Variants in RBPJ observed in about 807,000 individuals in gnomAD.
RBPJ encodes recombining binding protein suppressor of hairless.
A neutral mutation model predicts 67.8 loss-of-function variants in RBPJ; 9 were observed. The observed-to-expected ratio is 0.13, with a 90% confidence interval of 0.08 to 0.23. The LOEUF is 0.23. Among genes scored for constraint, RBPJ ranks in the 10% least tolerant of loss-of-function variants. The pLI is 1.00. For synonymous variants in RBPJ, 198 were observed against 203.3 expected (o/e 0.97, Z 0.22); for missense variants, 305 against 595.6 (o/e 0.51, Z 5.08).
chr4:26,139,091 C>A, the RBPJ span, among the ~76,000 whole-genome samples: 1 of 152,202 alleles, frequency 6.6e-6, no homozygotes. Context: ...ATCACAGCAG[C>A]CAGAAGTTAG....
chr4:26,286,845 G>A (rs1345992509), intron 1 of RBPJ, among the ~76,000 whole-genome samples: 1 of 150,822 alleles, frequency 6.6e-6, no homozygotes, highest in Non-Finnish European at 1.5e-5. Context: ...GAGTGCAGTG[G>A]CCACTATCTC....
intron 1 of RBPJ, among the ~76,000 whole-genome samples, chr4:26,340,128 CATT>C (rs1473315943): frequency 6.6e-6 from 1 of 151,950 alleles, no homozygotes; most frequent in Non-Finnish European, 1.5e-5. Context: ...AAGTAATTAA[CATT>C]ATGTTAGAAG....
intron 1 of RBPJ, among the ~76,000 whole-genome samples, chr4:26,331,028 C>T (rs189356271): frequency 1.3e-5 from 2 of 152,168 alleles, no homozygotes; most frequent in African/African-American, 2.4e-5. Flanking sequence ...TTTACACAGA[C>T]AGGTTAGATA....
At chr4:26,389,090 G>C (rs1364265368) in intron 2 of RBPJ, among the ~76,000 whole-genome samples, 1 of 151,894 alleles carries the variant, frequency 6.6e-6, no homozygotes, top group East Asian at 1.9e-4. Flanking sequence ...TTAGCCAGGA[G>C]TTGTGGCACG....
In RBPJ at chr4:26,428,642, A is replaced by G; in HGVS notation, c.748-78A>G. 3.8e-6 allele frequency: 4 copies of G among 1,062,528 alleles called. No individual in the cohort carries two copies. In the South Asian group the frequency reaches 4.0e-5, roughly 11 times the overall value. 65.8% of individuals were successfully genotyped at this position (1,062,528 alleles called of 1,614,324 possible). ...TATTATTATGCAGTATATAGCTTCT[A>G]TGTACTTTTGATGTTTTACACAAGG... is the stretch of plus-strand genomic sequence containing the variant. On this transcript the variant is annotated intron_variant, in intron 7 of 10. Transcript: ENST00000355476.
chr4:26,141,340 G>T, the RBPJ span, among the ~76,000 whole-genome samples: 2 of 152,190 alleles, frequency 1.3e-5, no homozygotes, highest in Non-Finnish European at 2.9e-5. Context: ...CCAGGGACGA[G>T]CCCAGCACTC....
chr4:26,239,550 A>T (rs1253266191), intron 1 of RBPJ, among the ~76,000 whole-genome samples: 1 of 152,240 alleles, frequency 6.6e-6, no homozygotes, highest in East Asian at 1.9e-4. Context: ...GTAATCAAGA[A>T]AAGGCTTGTA....
intron 1 of RBPJ, among the ~76,000 whole-genome samples, chr4:26,202,115 G>A (rs376414457): frequency 6.6e-6 from 1 of 152,120 alleles, no homozygotes; most frequent in African/African-American, 2.4e-5. Flanking sequence ...TTTTAAAGTT[G>A]GCATATCCCA....
chr4:26,354,782 T>G (rs1475330193), intron 1 of RBPJ, among the ~76,000 whole-genome samples: 1 of 152,198 alleles, frequency 6.6e-6, no homozygotes, highest in Non-Finnish European at 1.5e-5. Flanking sequence ...ACTGATCAAA[T>G]AATTACAATA....
At chr4:26,155,452 TCAGA>T in the RBPJ span, among the ~76,000 whole-genome samples, 17 of 145,980 alleles carry the variant, frequency 1.2e-4, no homozygotes, top group African/African-American at 4.2e-4. Context: ...TTTTTTTTTT[TCAGA>T]CAGAGTCTTG....
chr4:26,287,606 G>C (rs1577391252), intron 1 of RBPJ, among the ~76,000 whole-genome samples: 1 of 13,036 alleles, frequency 7.7e-5, no homozygotes, highest in Non-Finnish European at 1.8e-4. Flanking sequence ...GAGGGGAGGG[G>C]AGGGGAGGGG....
chr4:26,433,519 GT>G lies in RBPJ; in HGVS notation c.*2519del, dbSNP rs1274152005. On this transcript the variant is annotated 3_prime_UTR_variant, in exon 11 of 11. Transcript: ENST00000355476. ...CATGACCTTATTAAAATGAACTTGT[GT>G]TTTTTTAACAAACATGTATGTTTTA... 6.6e-6 allele frequency: 1 copy of G among 152,020 alleles called. No homozygotes were observed. Among genetic ancestry groups the G allele is most frequent in the Non-Finnish European group, 1.5e-5 (1 of 67,980 alleles). The allele number at this position is 152,020 out of a possible 1,614,324, so 9.4% of individuals were successfully genotyped here. A position where few individuals can be genotyped will look rare whatever the true frequency, so the allele number is the denominator to read the frequency against.
chr4:26,336,077 T>C (rs1724805384), intron 1 of RBPJ, among the ~76,000 whole-genome samples: 1 of 152,154 alleles, frequency 6.6e-6, no homozygotes, highest in African/African-American at 2.4e-5. Flanking sequence ...TGGGAAGAGA[T>C]TGGAAAGCTA....
At chr4:26,329,898 A>G (rs1329524451) in intron 1 of RBPJ, among the ~76,000 whole-genome samples, 1 of 152,052 alleles carries the variant, frequency 6.6e-6, no homozygotes, top group Admixed American at 6.5e-5. Context: ...TGTCTCCAAA[A>G]AAAAAAAAAG....
chr4:26,430,986 T>C lies in RBPJ; in HGVS notation c.1443T>C (p.Ser481=). 2 of 1,613,868 alleles carry C rather than the reference T, an allele frequency of 1.2e-6. No homozygotes were observed. Among genetic ancestry groups the C allele is most frequent in the Non-Finnish European group, 1.7e-6 (2 of 1,179,936 alleles). ...CAAATTCAACCAGTGTCACATCATC[T>C]ACAGCCACAGTGGTATCCTAACTAC... ...ASTNSTSVTS[S]TATVVS Residue 481 remains serine, a synonymous_variant, in exon 11 of 11, where the codon TCT becomes TCC. Coordinates refer to ENST00000355476, the MANE Select transcript of RBPJ (RefSeq NM_015874.6). This position sits in a 1 kb window ranked among gnomAD's most constrained non-coding sequence, Gnocchi z 4.1.
chr4:26,302,995 A>G (rs1388582899), intron 1 of RBPJ, among the ~76,000 whole-genome samples: 1 of 151,802 alleles, frequency 6.6e-6, no homozygotes, highest in Non-Finnish European at 1.5e-5. Context: ...AGACTGGCCA[A>G]CATAGTCATA....
chr4:26,161,863 C>T (rs1716089477), upstream of RBPJ, among the ~76,000 whole-genome samples: 1 of 152,222 alleles, frequency 6.6e-6, no homozygotes, highest in Non-Finnish European at 1.5e-5. Context: ...GTCACGACAA[C>T]ATCTCAGTGC....
chr4:26,415,906 G>T (rs549796701), intron 4 of RBPJ, among the ~76,000 whole-genome samples: 98 of 152,252 alleles, frequency 6.4e-4, no homozygotes, highest in Non-Finnish European at 1.0e-3. Flanking sequence ...GATTTCTATT[G>T]GAAGCCAGTA....
At chr4:26,198,110 C>T (rs147423339) in intron 1 of RBPJ, among the ~76,000 whole-genome samples, 2 of 151,994 alleles carry the variant, frequency 1.3e-5, no homozygotes, top group East Asian at 1.9e-4. Context: ...CAAAATTAGC[C>T]GGGCGTGGTG....
Sources: gnomAD v4.1 joint callset for allele counts (sites outside exome capture counted in the v4.1 genomes callset) on GRCh38, gnomAD v4.1.1 for gene constraint, Gnocchi (gnomAD v3.1) non-coding constraint, MANE v1.5 for transcripts, NCBI Gene and HGNC (gene_info 2026-07-23, HGNC 2026-07-21) for gene names.